SNX29: variants seen among roughly 807,000 people sequenced by gnomAD.
SNX29 encodes sorting nexin-29.
A neutral mutation model predicts 102.1 loss-of-function variants in SNX29; 78 were observed. The ratio of observed to expected loss-of-function variants is 0.76; its 90% CI spans 0.64 to 0.92. The LOEUF (loss-of-function observed/expected upper bound fraction) is 0.92. SNX29 is among the 40% of genes least tolerant of loss of function. The pLI is 0.00. For missense variants in SNX29, 1,280 were observed against 1,061.7 expected, an observed-to-expected ratio of 1.21 and a Z score of -2.86; for synonymous variants, 580 against 414.5, an observed-to-expected ratio of 1.40 and a Z score of -4.85.
chr16:12,543,980 A>G (rs1005282410), intron 20 of SNX29, among the ~76,000 whole-genome samples: 10 of 152,222 alleles, frequency 6.6e-5, no homozygotes, highest in Non-Finnish European at 2.9e-5. Flanking sequence ...GGTCTCAGCC[A>G]AGGTCACACC....
At chr16:12,000,139 A>C (rs1453559574) in intron 2 of SNX29, among the ~76,000 whole-genome samples, 7 of 152,098 alleles carry the variant, frequency 4.6e-5, no homozygotes, top group Admixed American at 1.3e-4. Flanking sequence ...GCTGTTTGTG[A>C]TGCTTGACTC....
At chr16:12,515,506 C>T (rs926273198) in intron 19 of SNX29, 4 of 488,306 alleles carry the variant, frequency 8.2e-6, no homozygotes, top group African/African-American at 7.8e-5. Context: ...CTTGCCTCCC[C>T]AGCCGCCACC....
chr16:12,239,943 T>G (rs1165490619), intron 14 of SNX29, among the ~76,000 whole-genome samples: 1 of 147,052 alleles, frequency 6.8e-6, no homozygotes, highest in Non-Finnish European at 1.5e-5. Flanking sequence ...ATTGAAGAGA[T>G]TTGAAGTACC....
At chr16:12,020,532 T>A (rs1249303339) in intron 3 of SNX29, among the ~76,000 whole-genome samples, 2 of 151,964 alleles carry the variant, frequency 1.3e-5, no homozygotes, top group South Asian at 4.2e-4. Flanking sequence ...ATTTGTAGAT[T>A]ATAGTCTAGG....
intron 16 of SNX29, among the ~76,000 whole-genome samples, chr16:12,356,541 A>C (rs1199907663): frequency 6.6e-6 from 1 of 152,216 alleles, no homozygotes; most frequent in Non-Finnish European, 1.5e-5. Context: ...CTCCCCCCGC[A>C]AACCCATCTT....
chr16:12,298,180 G>T (rs906242901), intron 15 of SNX29, among the ~76,000 whole-genome samples: 1 of 152,122 alleles, frequency 6.6e-6, no homozygotes, highest in Non-Finnish European at 1.5e-5. Context: ...AGAAAGAAAA[G>T]AAATAATAAT....
At chr16:12,025,114 C>G (rs1403466205) in intron 3 of SNX29, among the ~76,000 whole-genome samples, 1 of 151,826 alleles carries the variant, frequency 6.6e-6, no homozygotes, top group African/African-American at 2.4e-5. Context: ...CCAGCCTGGC[C>G]GACATGGTGA....
intron 4 of SNX29, 58 bp from the exon 5 acceptor site, chr16:12,042,839 T>C (rs2049938215): frequency 6.5e-7 from 1 of 1,531,740 alleles, no homozygotes; most frequent in Non-Finnish European, 8.8e-7. Context: ...TGTGTGTTCC[T>C]CTCCCAGTGC....
chr16:12,549,273 T>C (rs2077810031), intron 20 of SNX29, among the ~76,000 whole-genome samples: 1 of 152,110 alleles, frequency 6.6e-6, no homozygotes, highest in East Asian at 1.9e-4. Context: ...AGGTGGTAGA[T>C]CACTCAGGGT....
chr16:12,102,739 G>A (rs779667147), intron 11 of SNX29, among the ~76,000 whole-genome samples: 8 of 150,440 alleles, frequency 5.3e-5, no homozygotes, highest in Non-Finnish European at 1.2e-4. Context: ...AGAAATAAAG[G>A]GTATTCAGAT....
chr16:11,979,808 T>G (rs2055376364), intron 1 of SNX29, among the ~76,000 whole-genome samples: 2 of 152,086 alleles, frequency 1.3e-5, no homozygotes, highest in African/African-American at 4.8e-5. Context: ...GGTCTCGAAC[T>G]CCTGGCTTCA....
Position 12,356,213 on chromosome 16 carries a change from G to T in SNX29, c.1833G>T (p.Arg611Ser), listed in dbSNP as rs750202791. ...ELIEFNERLH[R>S]ALVAKEALVS... Reference sequence around the variant, plus strand: ...TTGAGTTCAACGAGCGCCTGCACAGGGCCCTGGTAGCCAAGGAAGCCCTCG... The same window carrying T: ...TTGAGTTCAACGAGCGCCTGCACAGTGCCCTGGTAGCCAAGGAAGCCCTCG... Residue 611 changes from arginine to serine, a missense_variant, in exon 16 of 21, where the codon AGG becomes AGT. Arg to Ser is a moderately radical substitution (Grantham distance 110). Coordinates refer to ENST00000566228, the MANE Select transcript of SNX29 (RefSeq NM_032167.5). 6 of 1,613,472 alleles carry T rather than the reference G, an allele frequency of 3.7e-6. No individual in the cohort carries two copies. In the East Asian group the frequency reaches 1.3e-4, roughly 36 times the overall value.
intron 20 of SNX29, among the ~76,000 whole-genome samples, chr16:12,535,115 C>A (rs149926234): frequency 0.011 from 1,627 of 152,240 alleles, 30 homozygotes; most frequent in African/African-American, 0.037. Flanking sequence ...ATTTAGCACC[C>A]GCCAGGGTCC....
chr16:12,184,800 C>G (rs1277663183), intron 13 of SNX29, among the ~76,000 whole-genome samples: 1 of 152,226 alleles, frequency 6.6e-6, no homozygotes, highest in Non-Finnish European at 1.5e-5. Flanking sequence ...ACATGTTTTA[C>G]TCAAGCGTAG....
At position 12,568,888 on chromosome 16, in the gene SNX29, T is replaced by C; in HGVS notation, c.*259T>C. 1 of 532,296 alleles carries C rather than the reference T, an allele frequency of 1.9e-6. No homozygotes were observed. Among genetic ancestry groups the C allele is most frequent in the Non-Finnish European group, 3.2e-6 (1 of 310,222 alleles). The allele number at this position is 532,296 out of a possible 1,614,324, so 33.0% of individuals were successfully genotyped here. ...GTCCTTCTGCTTCTGGGGTCTACCC[T>C]GGGCTGCAAGGGCTGTTCCTCCACC... On this transcript the variant is annotated 3_prime_UTR_variant, in exon 21 of 21. Transcript: ENST00000566228.
chr16:12,207,385 A>C (rs148234188), intron 14 of SNX29, among the ~76,000 whole-genome samples: 3 of 152,246 alleles, frequency 2.0e-5, no homozygotes, highest in Middle Eastern at 3.4e-3. Context: ...AAATAAAATA[A>C]AAAACAAAAA....
intron 15 of SNX29, among the ~76,000 whole-genome samples, chr16:12,338,780 C>G (rs552976800): frequency 1.3e-5 from 2 of 151,892 alleles, no homozygotes; most frequent in Admixed American, 1.3e-4. Context: ...CAGACCCCTA[C>G]CCCATCCCCA....
chr16:12,475,977 T>G (rs2087573047), intron 18 of SNX29, among the ~76,000 whole-genome samples: 1 of 152,016 alleles, frequency 6.6e-6, no homozygotes, highest in Non-Finnish European at 1.5e-5. Context: ...CCAAGGGAAG[T>G]TTGGACTTTT....
Position 12,346,059 on chromosome 16 carries a change from C to A in SNX29, c.1783-10104C>A, listed in dbSNP as rs545945057. 1.5e-3 allele frequency among the ~76,000 whole-genome samples: 228 copies of A among 151,750 alleles called. 1 individual carries two copies. The highest frequency in any genetic ancestry group is 5.1e-3 in the African/African-American group (213 of 41,464). The stretch of plus-strand genomic sequence containing the variant: ...AAGCAAATTGCAGACATCATGCAAT[C>A]TAGTTTGTAAATGTTATTGAAGGAT... On this transcript the variant is annotated intron_variant, in intron 15 of 20. Coordinates refer to ENST00000566228, the MANE Select transcript of SNX29 (RefSeq NM_032167.5).
Sources: allele counts gnomAD v4.1 joint callset (sites outside exome capture counted in the v4.1 genomes callset), GRCh38; gene constraint gnomAD v4.1.1; transcripts MANE v1.5; gene names NCBI Gene and HGNC (gene_info 2026-07-23, HGNC 2026-07-21).